Variants in RIMS1 observed in about 807,000 individuals in gnomAD.
The protein encoded by RIMS1 is regulating synaptic membrane exocytosis protein 1.
In RIMS1, 83 loss-of-function variants were observed where a neutral mutation model predicts 214.1. That is an observed-to-expected ratio of 0.39 (90% CI 0.32 to 0.47). The LOEUF is 0.47. Among genes scored for constraint, RIMS1 ranks in the 20% least tolerant of loss-of-function variants. RIMS1 has a pLI of 0.99. For missense variants in RIMS1, 2,050 were observed against 2,161.8 expected (o/e 0.95, Z 1.03); for synonymous variants, 793 against 786.8 (o/e 1.01, Z -0.13).
intron 4 of RIMS1, among the ~76,000 whole-genome samples, chr6:72,145,762 C>G (rs1402641589): frequency 6.6e-6 from 1 of 152,202 alleles, no homozygotes; most frequent in South Asian, 2.1e-4. Flanking sequence ...GGGAAGCACA[C>G]CCTTCCAGTC....
At chr6:72,000,164 A>T (rs1296601136) in intron 2 of RIMS1, among the ~76,000 whole-genome samples, 1 of 152,152 alleles carries the variant, frequency 6.6e-6, no homozygotes, top group Non-Finnish European at 1.5e-5. Context: ...GATATGATAT[A>T]TTAATAACAT....
intron 1 of RIMS1, among the ~76,000 whole-genome samples, chr6:71,951,659 TA>T (rs1405868462): frequency 1.4e-4 from 8 of 58,812 alleles, no homozygotes; most frequent in Admixed American, 5.1e-4. Context: ...CACGCTTAGC[TA>T]ATTTTTTTTT....
At chr6:71,995,526 G>A (rs984928724) in intron 2 of RIMS1, among the ~76,000 whole-genome samples, 1 of 151,594 alleles carries the variant, frequency 6.6e-6, no homozygotes, top group South Asian at 2.1e-4. Context: ...GTTTGTTTGT[G>A]TGTGTGTGTT....
chr6:71,946,394 G>C (rs899236983), intron 1 of RIMS1, among the ~76,000 whole-genome samples: 3 of 152,126 alleles, frequency 2.0e-5, no homozygotes, highest in Non-Finnish European at 2.9e-5. Context: ...CCACAAAACT[G>C]TAGTAATCAA....
At chr6:71,936,434 ATTAG>A (rs1295654478) in intron 1 of RIMS1, among the ~76,000 whole-genome samples, 1 of 151,582 alleles carries the variant, frequency 6.6e-6, no homozygotes, top group African/African-American at 2.4e-5. Context: ...GCACCTGTGG[ATTAG>A]TTAACCAGCT....
intron 29 of RIMS1, among the ~76,000 whole-genome samples, chr6:72,345,213 T>C (rs932541049): frequency 6.6e-6 from 1 of 151,672 alleles, no homozygotes; most frequent in Non-Finnish European, 1.5e-5. Context: ...TGTTGATTGA[T>C]TTTCACATTT....
chr6:72,209,900 C>CAAA (rs200401100), intron 6 of RIMS1, among the ~76,000 whole-genome samples: 28 of 115,800 alleles, frequency 2.4e-4, no homozygotes, highest in Non-Finnish European at 3.8e-4. Flanking sequence ...GACTCTGTCT[C>CAAA]AAAAAAAAAA....
At chr6:71,913,729 G>A (rs967499929) in intron 1 of RIMS1, among the ~76,000 whole-genome samples, 6 of 152,014 alleles carry the variant, frequency 3.9e-5, no homozygotes, top group African/African-American at 1.4e-4. Flanking sequence ...TAGGATGTAG[G>A]AATCATTTCC....
At chr6:72,217,781 A>G (rs1011093374) in intron 6 of RIMS1, among the ~76,000 whole-genome samples, 1 of 152,212 alleles carries the variant, frequency 6.6e-6, no homozygotes, top group Non-Finnish European at 1.5e-5. Context: ...TAAGCTGTGG[A>G]CTAAAGGGGA....
At position 71,887,077 on chromosome 6, in the gene RIMS1, C is replaced by G. The variant is rs771432103; in HGVS notation, c.54C>G (p.Pro18=). ...CTCGCCCACCCACGGTGCCTCCCCC[C>G]ATGCAAGAGCTGCCCGACCTGAGCC... ...RGPRPPTVPP[P]MQELPDLSHL... The change falls in exon 1 of 34, where the codon CCC becomes CCG. Residue 18 remains proline, a synonymous_variant. Coordinates refer to ENST00000521978, the MANE Select transcript of RIMS1 (RefSeq NM_014989.7). The G allele has an allele frequency of 1.9e-6, 3 of 1,613,536 alleles. No individual in the cohort carries two copies. The highest frequency in any genetic ancestry group is 2.7e-5 in the African/African-American group (2 of 74,936).
chr6:72,009,069 T>G (rs1383661260), intron 2 of RIMS1, among the ~76,000 whole-genome samples: 1 of 152,160 alleles, frequency 6.6e-6, no homozygotes, highest in African/African-American at 2.4e-5. Context: ...ACCACATAGT[T>G]GGAAGTAAAG....
At chr6:72,249,441 T>A (rs1563056111) in intron 12 of RIMS1, among the ~76,000 whole-genome samples, 2 of 152,166 alleles carry the variant, frequency 1.3e-5, no homozygotes, top group East Asian at 3.9e-4. Flanking sequence ...TTGTGTATTG[T>A]ATCCTTAGTT....
intron 1 of RIMS1, among the ~76,000 whole-genome samples, chr6:71,925,421 T>C (rs943860679): frequency 6.6e-6 from 1 of 152,204 alleles, no homozygotes; most frequent in Non-Finnish European, 1.5e-5. Context: ...TTAAGTTAAA[T>C]GTTATTTTCC....
chr6:72,130,067 C>T (rs769856607), intron 4 of RIMS1, among the ~76,000 whole-genome samples: 1 of 152,012 alleles, frequency 6.6e-6, no homozygotes, highest in Non-Finnish European at 1.5e-5. Flanking sequence ...AGTTAGAAAT[C>T]TCAACCGATT....
At chr6:71,936,326 CAAAAAAAAAA>C (rs4034728) in intron 1 of RIMS1, among the ~76,000 whole-genome samples, 3 of 68,690 alleles carry the variant, frequency 4.4e-5, no homozygotes, top group African/African-American at 1.8e-4. Flanking sequence ...GACTCCGTCT[CAAAAAAAAAA>C]AAAAAAAAAA....
intron 23 of RIMS1, among the ~76,000 whole-genome samples, chr6:72,282,857 G>T (rs184694769): frequency 6.6e-6 from 1 of 151,976 alleles, no homozygotes; most frequent in Admixed American, 6.6e-5. Flanking sequence ...TATCTTAAAA[G>T]TGGTATGTCA....
intron 29 of RIMS1, among the ~76,000 whole-genome samples, chr6:72,375,469 G>C (rs916352507): frequency 6.6e-6 from 1 of 151,888 alleles, no homozygotes; most frequent in Non-Finnish European, 1.5e-5. Flanking sequence ...AGGTATGTCA[G>C]CTGGATGTTA....
At chr6:72,103,011 A>C (rs1261085158) in intron 4 of RIMS1, among the ~76,000 whole-genome samples, 1 of 151,996 alleles carries the variant, frequency 6.6e-6, no homozygotes, top group Non-Finnish European at 1.5e-5. Flanking sequence ...TTTTATCTGG[A>C]TGTTTTGATA....
intron 1 of RIMS1, among the ~76,000 whole-genome samples, chr6:71,935,453 C>G (rs1784169306): frequency 6.6e-6 from 1 of 151,950 alleles, no homozygotes; most frequent in African/African-American, 2.4e-5. Context: ...AAGAAAAAAA[C>G]AAAAAATTTA....
Sources: allele counts gnomAD v4.1 joint callset (sites outside exome capture counted in the v4.1 genomes callset), GRCh38; gene constraint gnomAD v4.1.1; transcripts MANE v1.5; gene names NCBI Gene and HGNC (gene_info 2026-07-23, HGNC 2026-07-21).